STIM1: variants seen among roughly 807,000 people sequenced by gnomAD.
STIM1 encodes the protein stromal interaction molecule 1.
In STIM1, 25 loss-of-function variants were observed where a neutral mutation model predicts 74.7. The observed-to-expected ratio is 0.33, with a 90% CI of 0.24 to 0.47. The LOEUF (loss-of-function observed/expected upper bound fraction) is 0.47, where lower values mean the gene tolerates loss of function less well. Among genes scored for constraint, STIM1 ranks in the 20% least tolerant of loss-of-function variants. The pLI is 1.00. For missense variants in STIM1, 728 were observed against 920.8 expected (o/e 0.79, Z 2.71); for synonymous variants, 328 against 348.8 (o/e 0.94, Z 0.66).
At chr11:4,059,014 G>T in intron 4 of STIM1, 1 of 1,060,592 alleles carries the variant, frequency 9.4e-7, no homozygotes, top group South Asian at 1.8e-5. Flanking sequence ...TTGGGTGTGG[G>T]AATGGTCACA....
At chr11:3,864,899 T>C (rs777404877) in intron 1 of STIM1, among the ~76,000 whole-genome samples, 13 of 152,232 alleles carry the variant, frequency 8.5e-5, no homozygotes, top group Non-Finnish European at 1.3e-4. Context: ...TCTTGGTTCA[T>C]GCATTACTTC....
chr11:3,989,055 A>G, intron 2 of STIM1: 1 of 1,173,206 alleles, frequency 8.5e-7, no homozygotes, highest in Admixed American at 2.1e-5. Context: ...ATGTTTCTAG[A>G]GCTACTAAAA....
chr11:3,971,658 A>C (rs1329764097), intron 2 of STIM1, among the ~76,000 whole-genome samples: 1 of 152,230 alleles, frequency 6.6e-6, no homozygotes, highest in Non-Finnish European at 1.5e-5. Flanking sequence ...TACACCTGTG[A>C]CTGGAACCAA....
intron 1 of STIM1, among the ~76,000 whole-genome samples, chr11:3,937,399 A>G (rs1282556602): frequency 6.6e-6 from 1 of 152,082 alleles, no homozygotes; most frequent in East Asian, 1.9e-4. Flanking sequence ...CTTTCTCTTT[A>G]TGAAGTATTC....
intron 1 of STIM1, among the ~76,000 whole-genome samples, chr11:3,932,694 A>C (rs1396642705): frequency 6.6e-6 from 1 of 151,666 alleles, no homozygotes; most frequent in Admixed American, 6.6e-5. Context: ...AAAGAAAAGA[A>C]AAGAGACCCT....
At chr11:3,992,220 G>A (rs1234233904) in intron 2 of STIM1, among the ~76,000 whole-genome samples, 2 of 149,440 alleles carry the variant, frequency 1.3e-5, no homozygotes, top group African/African-American at 2.5e-5. Context: ...ACCAGCCAGG[G>A]CAATGTGGCA....
At chr11:3,883,820 A>G (rs889236571) in intron 1 of STIM1, among the ~76,000 whole-genome samples, 9 of 152,208 alleles carry the variant, frequency 5.9e-5, no homozygotes, top group African/African-American at 2.2e-4. Flanking sequence ...GACTTACTTG[A>G]TAGTAATGAC....
At chr11:3,983,017 C>T (rs2093521689) in intron 2 of STIM1, among the ~76,000 whole-genome samples, 1 of 152,144 alleles carries the variant, frequency 6.6e-6, no homozygotes, top group Admixed American at 6.5e-5. Context: ...CTGCAGCCTC[C>T]ATCTCCTAGG....
chr11:3,964,765 C>A (rs2093324003), intron 1 of STIM1, among the ~76,000 whole-genome samples: 1 of 150,004 alleles, frequency 6.7e-6, no homozygotes, highest in Admixed American at 6.7e-5. Flanking sequence ...CGCTCTGTTG[C>A]CCAGGCTGGA....
intron 1 of STIM1, among the ~76,000 whole-genome samples, chr11:3,886,809 C>T (rs1027066919): frequency 4.0e-5 from 6 of 151,634 alleles, no homozygotes; most frequent in African/African-American, 1.2e-4. Flanking sequence ...CGAGATCATC[C>T]TGGATAACAT....
chr11:3,869,886 GACTC>G (rs2091014448), intron 1 of STIM1, among the ~76,000 whole-genome samples: 4 of 152,162 alleles, frequency 2.6e-5, no homozygotes, highest in Admixed American at 2.0e-4. Flanking sequence ...AAATCAGTAG[GACTC>G]AGAGTTTAAA....
chr11:3,939,007 C>A (rs1282320443), intron 1 of STIM1, among the ~76,000 whole-genome samples: 1 of 152,202 alleles, frequency 6.6e-6, no homozygotes, highest in African/African-American at 2.4e-5. Context: ...CTAGCTTCAG[C>A]AAGGTACTGT....
chr11:3,964,348 G>T (rs1361345634), intron 1 of STIM1, among the ~76,000 whole-genome samples: 1 of 152,246 alleles, frequency 6.6e-6, no homozygotes, highest in Non-Finnish European at 1.5e-5. Flanking sequence ...GGAATTATTT[G>T]TGAGTTTTGG....
intron 2 of STIM1, among the ~76,000 whole-genome samples, chr11:3,970,583 A>G (rs2093383668): frequency 6.6e-6 from 1 of 151,334 alleles, no homozygotes; most frequent in Non-Finnish European, 1.5e-5. Context: ...TTCCACTTAC[A>G]TGAATTTAAT....
chr11:4,008,291 C>G (rs1565146506), intron 2 of STIM1, among the ~76,000 whole-genome samples: 1 of 152,066 alleles, frequency 6.6e-6, no homozygotes, highest in African/African-American at 2.4e-5. Flanking sequence ...GTAGGCTATA[C>G]ACATCTAGCA....
intron 1 of STIM1, 129 bp from the exon 2 acceptor site, chr11:3,967,423 C>T: frequency 7.2e-7 from 1 of 1,382,344 alleles, no homozygotes; most frequent in Non-Finnish European, 1.0e-6. Flanking sequence ...ACCTCTGTCA[C>T]TGTACAAGTA....
chr11:4,004,924 A>G (rs1170763501), intron 2 of STIM1, among the ~76,000 whole-genome samples: 1 of 152,244 alleles, frequency 6.6e-6, no homozygotes, highest in Non-Finnish European at 1.5e-5. Flanking sequence ...TGGGCAAAGG[A>G]TATGAACAGA....
chr11:3,955,305 CACA>C (rs2093197730), intron 1 of STIM1, among the ~76,000 whole-genome samples: 1 of 152,138 alleles, frequency 6.6e-6, no homozygotes, highest in Non-Finnish European at 1.5e-5. Flanking sequence ...GTGGTGGTTA[CACA>C]GGGATGTATG....
chr11:4,027,511 C>G (rs950289327), intron 3 of STIM1, among the ~76,000 whole-genome samples: 8 of 152,070 alleles, frequency 5.3e-5, no homozygotes, highest in African/African-American at 1.9e-4. Context: ...GGGGTTTCAC[C>G]GTGTTGGTTG....
Sources: gnomAD v4.1 joint callset for allele counts (sites outside exome capture counted in the v4.1 genomes callset) on GRCh38, gnomAD v4.1.1 for gene constraint, MANE v1.5 for transcripts, NCBI Gene and HGNC (gene_info 2026-07-23, HGNC 2026-07-21) for gene names.